NCK2: variants seen among roughly 807,000 people sequenced by gnomAD.
The protein encoded by NCK2 is NCK adaptor protein 2, also known as cytoplasmic protein NCK2.
A neutral mutation model predicts 33.9 loss-of-function variants in NCK2; 16 were observed. The observed-to-expected ratio is 0.47, with a 90% confidence interval of 0.32 to 0.72. NCK2 has a LOEUF of 0.72. Among genes scored for constraint, NCK2 ranks in the 30% least tolerant of loss-of-function variants. The probability of loss-of-function intolerance (pLI) is 0.03; values close to 1 mark genes in which losing one functional copy is unlikely to be tolerated. For synonymous variants in NCK2, 273 were observed against 239.9 expected (o/e 1.14, Z -1.27); for missense variants, 418 against 537.3 (o/e 0.78, Z 2.19).
rs1310827004 is a variant in NCK2, at chr2:105,866,756, G to A, written c.226+11467G>A. On this transcript the variant is annotated intron_variant, in intron 3 of 4. Coordinates refer to ENST00000233154, the MANE Select transcript of NCK2 (RefSeq NM_003581.5). Reference sequence around the variant, plus strand: ...TGGTCTGTGGCCCCGGGGGGTTGGGGACCCCTGGTCTAGAGAACATCAGGC... The same window carrying A: ...TGGTCTGTGGCCCCGGGGGGTTGGGAACCCCTGGTCTAGAGAACATCAGGC... Among the ~76,000 whole-genome samples, 5 of 152,314 alleles carry A rather than the reference G, an allele frequency of 3.3e-5. No homozygotes were observed. The East Asian group carries it at 9.6e-4, about 29-fold the overall frequency.
intron 1 of NCK2, among the ~76,000 whole-genome samples, chr2:105,794,045 ATTTT>A (rs554091969): frequency 2.7e-5 from 3 of 109,552 alleles, no homozygotes; most frequent in Admixed American, 9.7e-5. Context: ...GTATCTTTCG[ATTTT>A]TTTTTTTTTT....
intron 1 of NCK2, among the ~76,000 whole-genome samples, chr2:105,752,368 A>C (rs1274592937): frequency 6.6e-6 from 1 of 151,410 alleles, no homozygotes; most frequent in Non-Finnish European, 1.5e-5. Context: ...GTTTTAGAGC[A>C]CTAAAATCAG....
chr2:105,798,030 TATTA>T (rs1691148959), intron 1 of NCK2, among the ~76,000 whole-genome samples: 1 of 152,216 alleles, frequency 6.6e-6, no homozygotes, highest in African/African-American at 2.4e-5. Flanking sequence ...ACCACATTTT[TATTA>T]ATTTATGGTT....
chr2:105,776,460 G>A (rs1690302529), intron 1 of NCK2, among the ~76,000 whole-genome samples: 1 of 152,194 alleles, frequency 6.6e-6, no homozygotes, highest in Non-Finnish European at 1.5e-5. Flanking sequence ...CAGTCACCCA[G>A]CTGTGGTTGG....
chr2:105,765,588 G>T (rs1689909074), intron 1 of NCK2, among the ~76,000 whole-genome samples: 1 of 152,024 alleles, frequency 6.6e-6, no homozygotes, highest in Admixed American at 6.5e-5. Flanking sequence ...CTTGTTTGGG[G>T]CATGATGTCA....
chr2:105,793,745 C>G (rs1325873106), intron 1 of NCK2, among the ~76,000 whole-genome samples: 8 of 152,212 alleles, frequency 5.3e-5, no homozygotes, highest in Non-Finnish European at 1.0e-4. Flanking sequence ...CTTAGGTGGC[C>G]TTCGTGTTCT....
At chr2:105,864,140 A>G (rs1677656678) in intron 3 of NCK2, among the ~76,000 whole-genome samples, 1 of 152,048 alleles carries the variant, frequency 6.6e-6, no homozygotes, top group African/African-American at 2.4e-5. Flanking sequence ...CCTGGGTGTG[A>G]AAAAAGAACC....
At chr2:105,889,419 G>C in intron 4 of NCK2, among the ~76,000 whole-genome samples, 1 of 152,202 alleles carries the variant, frequency 6.6e-6, no homozygotes, top group East Asian at 1.9e-4. Flanking sequence ...GTTTGTTCCA[G>C]ATTTTCTTTC....
intron 1 of NCK2, among the ~76,000 whole-genome samples, chr2:105,762,913 G>A (rs189602586): frequency 6.8e-6 from 1 of 146,678 alleles, no homozygotes; most frequent in East Asian, 2.0e-4. Flanking sequence ...AGCAACCTGA[G>A]GCCAGGCGCA....
At chr2:105,829,433 T>C (rs551424843) in intron 2 of NCK2, among the ~76,000 whole-genome samples, 4 of 152,322 alleles carry the variant, frequency 2.6e-5, no homozygotes, top group South Asian at 4.1e-4. Flanking sequence ...GTCTGTACTT[T>C]ATTTGGATTT....
At chr2:105,867,208 G>A (rs555507266) in intron 3 of NCK2, among the ~76,000 whole-genome samples, 3 of 152,070 alleles carry the variant, frequency 2.0e-5, no homozygotes, top group Non-Finnish European at 4.4e-5. Context: ...TCTTTATCAC[G>A]CTAAGACAAG....
chr2:105,785,607 A>C (rs1262834376), intron 1 of NCK2, among the ~76,000 whole-genome samples: 8 of 152,214 alleles, frequency 5.3e-5, no homozygotes, highest in African/African-American at 1.9e-4. Context: ...CAATAGCACC[A>C]ATAGAGTGGA....
intron 1 of NCK2, among the ~76,000 whole-genome samples, chr2:105,795,598 G>A (rs936902709): frequency 1.3e-5 from 2 of 152,204 alleles, no homozygotes; most frequent in Non-Finnish European, 2.9e-5. Context: ...TTCTCAGCCA[G>A]GGTGATTTCA....
At chr2:105,865,448 G>C (rs1279232129) in intron 3 of NCK2, among the ~76,000 whole-genome samples, 1 of 152,140 alleles carries the variant, frequency 6.6e-6, no homozygotes, top group Non-Finnish European at 1.5e-5. Flanking sequence ...GGAATTGGGG[G>C]TGCTGATTGG....
At chr2:105,767,963 T>G (rs1690001511) in intron 1 of NCK2, among the ~76,000 whole-genome samples, 1 of 152,112 alleles carries the variant, frequency 6.6e-6, no homozygotes, top group Non-Finnish European at 1.5e-5. Context: ...GTGAAAAATT[T>G]GAGACAAAAA....
chr2:105,768,340 CCCT>C (rs1412847212), intron 1 of NCK2, among the ~76,000 whole-genome samples: 2 of 152,166 alleles, frequency 1.3e-5, no homozygotes, highest in East Asian at 3.9e-4. Flanking sequence ...CCTAGGTGTC[CCCT>C]AATTTGGTTC....
At chr2:105,892,353 C>A (rs1679022826) in intron 4 of NCK2, among the ~76,000 whole-genome samples, 1 of 152,188 alleles carries the variant, frequency 6.6e-6, no homozygotes, top group South Asian at 2.1e-4. Context: ...CTTGAGCAGT[C>A]AGGGCAACAC....
intron 2 of NCK2, among the ~76,000 whole-genome samples, chr2:105,834,817 G>C (rs886843911): frequency 6.6e-6 from 1 of 151,882 alleles, no homozygotes; most frequent in African/African-American, 2.4e-5. Flanking sequence ...CCTACAGGTA[G>C]ATGTGTGCTA....
chr2:105,870,707 C>T (rs574238366), intron 3 of NCK2, among the ~76,000 whole-genome samples: 10 of 152,112 alleles, frequency 6.6e-5, no homozygotes, highest in African/African-American at 2.2e-4. Context: ...GCCAAGATCG[C>T]GCCACCTCAC....
Sources: allele counts gnomAD v4.1 joint callset (sites outside exome capture counted in the v4.1 genomes callset), GRCh38; gene constraint gnomAD v4.1.1; transcripts MANE v1.5; gene names NCBI Gene and HGNC (gene_info 2026-07-23, HGNC 2026-07-21).